The following RASGEF1C variants were observed in gnomAD, a reference collection of about 807,000 sequenced individuals.
RASGEF1C encodes RasGEF domain family member 1C.
Under a neutral mutation model 58.1 loss-of-function variants are expected in RASGEF1C, and 27 were observed. The ratio of observed to expected loss-of-function variants is 0.46; its 90% CI spans 0.34 to 0.64. RASGEF1C has a LOEUF of 0.64. RASGEF1C is among the 30% of genes least tolerant of loss of function. The probability of loss-of-function intolerance (pLI) is 0.01; values close to 1 mark genes in which losing one functional copy is unlikely to be tolerated. For missense variants in RASGEF1C, 502 were observed against 605.1 expected (o/e 0.83, Z 1.79); for synonymous variants, 243 against 246.3 (o/e 0.99, Z 0.13).
At chr5:180,187,813 G>T (rs911799794) in intron 1 of RASGEF1C, among the ~76,000 whole-genome samples, 3 of 152,136 alleles carry the variant, frequency 2.0e-5, no homozygotes, top group South Asian at 2.1e-4. Flanking sequence ...CTTTACACCC[G>T]CTAGGATGGC....
At chr5:180,127,849 C>G (rs767963058) in intron 5 of RASGEF1C, among the ~76,000 whole-genome samples, 166 bp from the exon 6 acceptor site, 10 of 152,206 alleles carry the variant, frequency 6.6e-5, no homozygotes, top group Non-Finnish European at 1.5e-4. Context: ...TGTCACAGAG[C>G]TCAGCGCCTT....
chr5:180,170,933 C>T (rs1767099067), intron 1 of RASGEF1C, among the ~76,000 whole-genome samples: 1 of 152,224 alleles, frequency 6.6e-6, no homozygotes, highest in Admixed American at 6.5e-5. Flanking sequence ...CCCTGGGGGC[C>T]TTTCCCTGCC....
intron 10 of RASGEF1C, among the ~76,000 whole-genome samples, chr5:180,114,906 A>T (rs1766037515): frequency 6.6e-6 from 1 of 152,176 alleles, no homozygotes; most frequent in African/African-American, 2.4e-5. Context: ...CACTACCCCC[A>T]TCCCCATCCA....
intron 1 of RASGEF1C, among the ~76,000 whole-genome samples, chr5:180,194,037 G>C (rs1263787948): frequency 7.5e-6 from 1 of 133,006 alleles, no homozygotes; most frequent in Non-Finnish European, 1.6e-5. Context: ...GTATGAAAAG[G>C]TTGAAAAAAA....
In RASGEF1C at chr5:180,101,063, C is replaced by T. The variant is rs887571049; in HGVS notation, c.*438G>A. 6.4e-5 allele frequency: 11 copies of T among 170,768 alleles called. No individual in the cohort carries two copies. Among genetic ancestry groups the T allele is most frequent in the African/African-American group, 1.2e-4 (5 of 42,176 alleles). The allele number at this position is 170,768 out of a possible 1,614,324, so 10.6% of individuals were successfully genotyped here. ...GCTCGGGGCTGGCGCAGGCATCTCA[C>T]GTCGCACCGTGATGCCTGCTGTGGC... On this transcript the variant is annotated 3_prime_UTR_variant, in exon 14 of 14. Coordinates refer to ENST00000361132, the MANE Select transcript of RASGEF1C (RefSeq NM_175062.4).
At chr5:180,208,668 G>A (rs550712704) in intron 1 of RASGEF1C, among the ~76,000 whole-genome samples, 7 of 152,258 alleles carry the variant, frequency 4.6e-5, no homozygotes, top group Non-Finnish European at 1.0e-4. Context: ...TTCATAGACG[G>A]GGAAACTGAG....
chr5:180,118,883 G>A lies in RASGEF1C; in HGVS notation c.908-17C>T, dbSNP rs755654807. 2.5e-6 allele frequency: 4 copies of A among 1,612,412 alleles called. No individual in the cohort carries two copies. The highest frequency in any genetic ancestry group is 1.1e-5 in the South Asian group (1 of 91,056). On this transcript the variant is annotated splice_polypyrimidine_tract_variant and intron_variant, in intron 8 of 13. Transcript: ENST00000361132. ...TCATGCCGGCTGGAAGAGGGAGGAGGGTTGGAGAGGGCTGCTCCTGGGACA... is the reference window on the plus strand; with the variant it reads ...TCATGCCGGCTGGAAGAGGGAGGAGAGTTGGAGAGGGCTGCTCCTGGGACA...
intron 1 of RASGEF1C, among the ~76,000 whole-genome samples, chr5:180,165,898 T>G (rs1767014699): frequency 6.6e-6 from 1 of 151,144 alleles, no homozygotes; most frequent in Non-Finnish European, 1.5e-5. Flanking sequence ...TACAGGCACC[T>G]GCCATGACAC....
chr5:180,171,480 G>A (rs528343557), intron 1 of RASGEF1C, among the ~76,000 whole-genome samples: 7 of 152,096 alleles, frequency 4.6e-5, no homozygotes, highest in Non-Finnish European at 1.0e-4. Flanking sequence ...GCCCACCTCC[G>A]AGGCCGAGGG....
intron 7 of RASGEF1C, among the ~76,000 whole-genome samples, chr5:180,120,850 G>A (rs533650771): frequency 1.8e-4 from 28 of 152,194 alleles, no homozygotes; most frequent in African/African-American, 6.5e-4. Flanking sequence ...GTGCCTGGCC[G>A]GTGGATCTGG....
chr5:180,127,463 T>TGG, intron 6 of RASGEF1C, 146 bp downstream of exon 6: 1 of 621,192 alleles, frequency 1.6e-6, no homozygotes, highest in African/African-American at 1.9e-5. Context: ...TGGAGGGGCG[T>TGG]GGCGGAGTGG....
At position 180,137,435 on chromosome 5, in the gene RASGEF1C, C is replaced by T. The variant is rs1277343537; in HGVS notation, c.300+155G>A. On this transcript the variant is annotated intron_variant, in intron 3 of 13. Coordinates refer to ENST00000361132, the MANE Select transcript of RASGEF1C (RefSeq NM_175062.4). The surrounding 1 kb of genome is among the most constrained non-coding windows in gnomAD (Gnocchi z 4.1). ...GGTTAAAGGTCCTGTTCTGCTCCTT[C>T]TGGCTCTGGGCCTCAGACAAGGTGG... Among the ~76,000 whole-genome samples the T allele has an allele frequency of 6.6e-6, 1 of 152,216 alleles. No individual in the cohort carries two copies. Among genetic ancestry groups the T allele is most frequent in the African/African-American group, 2.4e-5 (1 of 41,458 alleles).
At chr5:180,104,909 G>A (rs547762620) in intron 12 of RASGEF1C, among the ~76,000 whole-genome samples, 3 of 152,214 alleles carry the variant, frequency 2.0e-5, no homozygotes, top group South Asian at 2.1e-4. Flanking sequence ...GTCTGTAGTC[G>A]TTAGTGATAT....
In RASGEF1C at chr5:180,133,802, A is replaced by C. The variant is rs137994972; in HGVS notation, c.438+2576T>G. Among the ~76,000 whole-genome samples, 21 of 152,302 alleles carry C rather than the reference A, an allele frequency of 1.4e-4. No individual in the cohort carries two copies. In the East Asian group the frequency reaches 4.1e-3, roughly 29 times the overall value. ...CACTTTTGTATGTTTGAAATGTTTC[A>C]CAAGGAAAGTTCTGTAAAACTTAAG... On this transcript the variant is annotated intron_variant, in intron 4 of 13. Coordinates refer to ENST00000361132, the MANE Select transcript of RASGEF1C (RefSeq NM_175062.4).
chr5:180,204,660 C>CTA (rs1756459465), intron 1 of RASGEF1C, among the ~76,000 whole-genome samples: 1 of 135,714 alleles, frequency 7.4e-6, no homozygotes, highest in Non-Finnish European at 1.6e-5. Context: ...CTATCTATCT[C>CTA]ATCTATCTAT....
At chr5:180,113,744 G>A (rs1582262149) in intron 11 of RASGEF1C, among the ~76,000 whole-genome samples, 2 of 146,944 alleles carry the variant, frequency 1.4e-5, no homozygotes, top group South Asian at 4.4e-4. Context: ...CGGAGGGACC[G>A]GGGATGGACG....
intron 1 of RASGEF1C, among the ~76,000 whole-genome samples, chr5:180,154,232 G>A (rs1053361441): frequency 2.6e-5 from 4 of 152,088 alleles, no homozygotes; most frequent in African/African-American, 9.7e-5. Flanking sequence ...GGTCAAATGG[G>A]CCTCTTTGCT....
intron 1 of RASGEF1C, among the ~76,000 whole-genome samples, chr5:180,195,735 A>C (rs1756262137): frequency 6.6e-6 from 1 of 151,880 alleles, no homozygotes; most frequent in African/African-American, 2.4e-5. Flanking sequence ...ACTGCACTCC[A>C]GCCTGGGCGA....
chr5:180,201,410 G>A (rs982356888), intron 1 of RASGEF1C, among the ~76,000 whole-genome samples: 2 of 152,140 alleles, frequency 1.3e-5, no homozygotes, highest in Non-Finnish European at 2.9e-5. Flanking sequence ...CAAGAAAATG[G>A]TGCACTTCAT....
Sources: allele counts gnomAD v4.1 joint callset (sites outside exome capture counted in the v4.1 genomes callset), GRCh38; gene constraint gnomAD v4.1.1; non-coding constraint Gnocchi (gnomAD v3.1); transcripts MANE v1.5; gene names NCBI Gene and HGNC (gene_info 2026-07-23, HGNC 2026-07-21).